The following TMPRSS12 variants were observed in gnomAD, a reference collection of about 807,000 sequenced individuals.
TMPRSS12 encodes the protein transmembrane protease serine 12.
A neutral mutation model predicts 26.0 loss-of-function variants in TMPRSS12; 25 were observed. That is an observed-to-expected ratio of 0.96 (90% CI 0.70 to 1.34). TMPRSS12 has a LOEUF of 1.34. Ranked by LOEUF, TMPRSS12 falls within the 40% of genes most tolerant of loss-of-function variation. TMPRSS12 has a pLI of 0.00. For missense variants in TMPRSS12, 441 were observed against 440.1 expected (o/e 1.00, Z -0.02); for synonymous variants, 150 against 161.7 (o/e 0.93, Z 0.55).
At position 50,844,125 on chromosome 12, in the gene TMPRSS12, A is replaced by T. The variant is rs189463282; in HGVS notation, c.383+88A>T. On this transcript the variant is annotated intron_variant, in intron 2 of 4. Coordinates refer to ENST00000398458, the MANE Select transcript of TMPRSS12 (RefSeq NM_182559.3). Reference sequence around the variant, plus strand: ...CATTTAACTTCAGCCATTTTCAGCTAAGCTATGTTTGCAAATAGCCATAAT... The same window carrying T: ...CATTTAACTTCAGCCATTTTCAGCTTAGCTATGTTTGCAAATAGCCATAAT... The T allele has an allele frequency of 7.9e-6, 10 of 1,260,748 alleles. No individual in the cohort carries two copies. The East Asian group carries it at 1.9e-4, about 24-fold the overall frequency. The allele number at this position is 1,260,748 out of a possible 1,614,324, so 78.1% of individuals were successfully genotyped here.
intron 3 of TMPRSS12, among the ~76,000 whole-genome samples, chr12:50,864,934 C>T (rs907329208): frequency 3.3e-5 from 5 of 152,086 alleles, no homozygotes; most frequent in East Asian, 1.9e-4. Flanking sequence ...GCTGGGATTA[C>T]AGGTATGAGC....
chr12:50,879,429 C>T (rs1322692660), intron 3 of TMPRSS12, among the ~76,000 whole-genome samples: 1 of 152,242 alleles, frequency 6.6e-6, no homozygotes, highest in Non-Finnish European at 1.5e-5. Flanking sequence ...TCATAACCAA[C>T]TGGCTTTTTG....
At chr12:50,870,364 C>A (rs534567497) in intron 3 of TMPRSS12, among the ~76,000 whole-genome samples, 69 of 151,562 alleles carry the variant, frequency 4.6e-4, no homozygotes, top group African/African-American at 1.6e-3. Flanking sequence ...ATGATCATCT[C>A]AATAGATGCA....
intron 3 of TMPRSS12, among the ~76,000 whole-genome samples, chr12:50,865,913 G>A (rs1460401237): frequency 6.6e-6 from 1 of 152,098 alleles, no homozygotes; most frequent in East Asian, 1.9e-4. Context: ...CATAGCTTGA[G>A]TACAGACTGC....
At chr12:50,871,041 G>A (rs776646295) in intron 3 of TMPRSS12, among the ~76,000 whole-genome samples, 2 of 151,884 alleles carry the variant, frequency 1.3e-5, no homozygotes, top group African/African-American at 2.4e-5. Context: ...CTATAAATTC[G>A]ATGCAATCCC....
Position 50,843,151 on chromosome 12 carries a change from G to A in TMPRSS12, c.187G>A (p.Asp63Asn), listed in dbSNP as rs1937730333. The change falls in exon 1 of 5, where the codon GAT becomes AAT. Residue 63 changes from aspartate (D) to asparagine (N), a missense_variant and splice_region_variant. Physicochemically the swap from Asp to Asn is conservative, Grantham distance 23 (BLOSUM62 1). Coordinates refer to ENST00000398458, the MANE Select transcript of TMPRSS12 (RefSeq NM_182559.3). ...GAGGGAGGGAGGGGCGCATGCAGAG[G>A]GCAGTACCTGTTCGTGCCTGTCTCT... ...RRREGGAHAE[D>N]CGTAPLKDVL... 2 of 1,556,880 alleles carry A rather than the reference G, an allele frequency of 1.3e-6. No individual in the cohort carries two copies. Among genetic ancestry groups the A allele is most frequent in the South Asian group, 2.4e-5 (2 of 84,442 alleles).
At chr12:50,849,882 T>C (rs1302791325) in intron 2 of TMPRSS12, among the ~76,000 whole-genome samples, 1 of 151,802 alleles carries the variant, frequency 6.6e-6, no homozygotes, top group South Asian at 2.1e-4. Flanking sequence ...CCTCCAAAAA[T>C]TCCCCCATAC....
intron 2 of TMPRSS12, among the ~76,000 whole-genome samples, chr12:50,856,215 G>T (rs1937875491): frequency 6.6e-6 from 1 of 152,116 alleles, no homozygotes; most frequent in Non-Finnish European, 1.5e-5. Flanking sequence ...TTAGGGAAAA[G>T]ATATAAATAA....
chr12:50,849,856 A>G (rs1937808690), intron 2 of TMPRSS12, among the ~76,000 whole-genome samples: 1 of 152,240 alleles, frequency 6.6e-6, no homozygotes, highest in Non-Finnish European at 1.5e-5. Flanking sequence ...TAGAAGGCAC[A>G]GAACAAATTT....
Position 50,887,511 on chromosome 12 carries a change from TAAAG to T in TMPRSS12, c.*2_*5del. On this transcript the variant is annotated stop_retained_variant and 3_prime_UTR_variant, in exon 5 of 5. Coordinates refer to ENST00000398458, the MANE Select transcript of TMPRSS12 (RefSeq NM_182559.3). ...TTTTGTCATCTTACTAGCAACAACA[TAAAG>T]AAATTCTGAAGGCTTTCATATCTTT... 1.9e-6 allele frequency: 3 copies of T among 1,609,948 alleles called. No individual in the cohort carries two copies. Among genetic ancestry groups the T allele is most frequent in the Non-Finnish European group, 2.5e-6 (3 of 1,178,090 alleles).
chr12:50,881,183 A>G (rs1938161067), intron 3 of TMPRSS12, among the ~76,000 whole-genome samples: 1 of 151,824 alleles, frequency 6.6e-6, no homozygotes, highest in African/African-American at 2.4e-5. Context: ...GGGTTTCTCC[A>G]TGATGGTCAG....
chr12:50,857,604 C>T (rs187139694), intron 2 of TMPRSS12, among the ~76,000 whole-genome samples: 14 of 152,254 alleles, frequency 9.2e-5, no homozygotes, highest in Admixed American at 5.2e-4. Flanking sequence ...GTTAACCTCT[C>T]GTGGTTTTAA....
At chr12:50,880,690 A>G (rs1024389567) in intron 3 of TMPRSS12, among the ~76,000 whole-genome samples, 25 of 152,294 alleles carry the variant, frequency 1.6e-4, no homozygotes, top group African/African-American at 6.0e-4. Flanking sequence ...AAAACTTATG[A>G]ACGCTCATCA....
intron 3 of TMPRSS12, among the ~76,000 whole-genome samples, chr12:50,881,675 T>C (rs1182838625): frequency 1.3e-5 from 2 of 151,780 alleles, no homozygotes; most frequent in African/African-American, 2.4e-5. Flanking sequence ...TAGAAATATA[T>C]ATTTTTAGTT....
intron 3 of TMPRSS12, among the ~76,000 whole-genome samples, chr12:50,872,812 AT>A (rs1938072734): frequency 8.6e-6 from 1 of 116,320 alleles, no homozygotes; most frequent in Non-Finnish European, 1.9e-5. Flanking sequence ...GTACATATAT[AT>A]GACGTATATA....
At chr12:50,878,128 GC>G (rs1206865215) in intron 3 of TMPRSS12, among the ~76,000 whole-genome samples, 1 of 150,844 alleles carries the variant, frequency 6.6e-6, no homozygotes, top group African/African-American at 2.4e-5. Context: ...GATTTTTCGT[GC>G]AAACTAACAA....
intron 3 of TMPRSS12, among the ~76,000 whole-genome samples, chr12:50,882,963 CCAA>C (rs1938190244): frequency 6.6e-6 from 1 of 152,054 alleles, no homozygotes; most frequent in South Asian, 2.1e-4. Flanking sequence ...AAGAGAAAGC[CCAA>C]CGTTATAAAT....
At chr12:50,880,165 G>A (rs1387581764) in intron 3 of TMPRSS12, among the ~76,000 whole-genome samples, 1 of 151,794 alleles carries the variant, frequency 6.6e-6, no homozygotes, top group Non-Finnish European at 1.5e-5. Flanking sequence ...GGGAGGCCAA[G>A]GTGAAAGGAT....
chr12:50,887,069 C>A, intron 4 of TMPRSS12, 193 bp from the exon 5 acceptor site: 2 of 572,040 alleles, frequency 3.5e-6, no homozygotes, highest in Non-Finnish European at 2.9e-6. Context: ...CTCCAAATAC[C>A]TGGGTAAAAT....
Sources: gnomAD v4.1 joint callset for allele counts (sites outside exome capture counted in the v4.1 genomes callset) on GRCh38, gnomAD v4.1.1 for gene constraint, MANE v1.5 for transcripts, NCBI Gene and HGNC (gene_info 2026-07-23, HGNC 2026-07-21) for gene names.